Variants in VPS8 observed in about 807,000 individuals in gnomAD.
VPS8 encodes the protein vacuolar protein sorting-associated protein 8 homolog.
In VPS8, 129 loss-of-function variants were observed where a neutral mutation model predicts 216.4. The observed-to-expected ratio is 0.60, with a 90% CI of 0.52 to 0.69. VPS8 has a LOEUF of 0.69. Ranked by LOEUF, VPS8 falls within the 30% of genes least tolerant of loss-of-function variation. The pLI is 0.00. For missense variants in VPS8, 1,531 were observed against 1,683.5 expected (o/e 0.91, Z 1.59); for synonymous variants, 571 against 565.4 (o/e 1.01, Z -0.14).
chr3:184,925,716 T>G (rs1739463154), intron 30 of VPS8, among the ~76,000 whole-genome samples: 1 of 152,014 alleles, frequency 6.6e-6, no homozygotes, highest in African/African-American at 2.4e-5. Context: ...TCAGGAAACT[T>G]AAAGTTAAGG....
chr3:184,987,805 A>G (rs906356126), intron 42 of VPS8, among the ~76,000 whole-genome samples: 1 of 152,212 alleles, frequency 6.6e-6, no homozygotes, highest in African/African-American at 2.4e-5. Flanking sequence ...AGAAACTGCC[A>G]AACTCTGCTC....
At position 184,824,685 on chromosome 3, in the gene VPS8, C is replaced by T. The variant is rs772731390; in HGVS notation, c.53C>T (p.Thr18Met). The T allele has an allele frequency of 1.9e-5, 31 of 1,613,740 alleles. No individual in the cohort carries two copies. The highest frequency in any genetic ancestry group is 1.6e-4 in the Middle Eastern group (1 of 6,084). The change falls in exon 2 of 48, where the codon ACG becomes ATG. Residue 18 changes from threonine to methionine, a missense_variant. Coordinates refer to ENST00000625842, the MANE Select transcript of VPS8 (RefSeq NM_001009921.3). ...ENVEQSLCAK[T>M]SEEELNKSFN... ...GTGGAACAGAGCCTCTGTGCCAAGACGAGCGAAGAAGAGCTGAATAAGTCT... is the reference window on the plus strand; with the variant it reads ...GTGGAACAGAGCCTCTGTGCCAAGATGAGCGAAGAAGAGCTGAATAAGTCT...
intron 2 of VPS8, 64 bp downstream of exon 2, chr3:184,824,849 G>T (rs572365492): frequency 6.9e-7 from 1 of 1,456,382 alleles, no homozygotes; most frequent in African/African-American, 1.4e-5. Flanking sequence ...TATGCTTTGT[G>T]ACCCAGAGAC....
chr3:184,866,618 T>G (rs1212149872), intron 16 of VPS8, among the ~76,000 whole-genome samples: 2 of 152,216 alleles, frequency 1.3e-5, no homozygotes. Context: ...GTGAAGTTTA[T>G]GATCTATAGA....
At chr3:184,944,997 T>G (rs1743425178) in intron 36 of VPS8, among the ~76,000 whole-genome samples, 1 of 152,102 alleles carries the variant, frequency 6.6e-6, no homozygotes, top group Non-Finnish European at 1.5e-5. Context: ...AATACCTACT[T>G]CAATGAGTGC....
intron 21 of VPS8, among the ~76,000 whole-genome samples, chr3:184,873,036 C>G (rs756818366): frequency 2.4e-4 from 36 of 152,094 alleles, no homozygotes; most frequent in Non-Finnish European, 4.7e-4. Context: ...TACCACAATG[C>G]TGTGGAGTAC....
intron 40 of VPS8, among the ~76,000 whole-genome samples, chr3:184,979,389 G>A (rs1170198210): frequency 6.6e-6 from 1 of 152,158 alleles, no homozygotes; most frequent in East Asian, 1.9e-4. Context: ...GTCTGATACT[G>A]TTAGTGGAGT....
intron 45 of VPS8, among the ~76,000 whole-genome samples, chr3:185,016,109 A>G (rs1413456490): frequency 6.6e-6 from 1 of 151,888 alleles, no homozygotes; most frequent in Non-Finnish European, 1.5e-5. Context: ...TAGATTACTC[A>G]TGGCGTAGGT....
chr3:184,866,605 G>A (rs1277637293), intron 16 of VPS8, among the ~76,000 whole-genome samples: 1 of 152,174 alleles, frequency 6.6e-6, no homozygotes, highest in Non-Finnish European at 1.5e-5. Context: ...AAAATAATGT[G>A]TTGTGAAGTT....
chr3:184,833,837 A>G (rs1005612221), intron 4 of VPS8, among the ~76,000 whole-genome samples: 2 of 152,206 alleles, frequency 1.3e-5, no homozygotes, highest in African/African-American at 4.8e-5. Context: ...TGCCCCCCAA[A>G]TAAACAGAAT....
chr3:184,857,618 T>C (rs1363560703), intron 14 of VPS8, among the ~76,000 whole-genome samples: 1 of 152,234 alleles, frequency 6.6e-6, no homozygotes, highest in Non-Finnish European at 1.5e-5. Flanking sequence ...GTGTGTATTC[T>C]TTTTGCTACT....
At chr3:184,930,746 A>G (rs539695899) in intron 34 of VPS8, among the ~76,000 whole-genome samples, 178 bp downstream of exon 34, 22 of 152,298 alleles carry the variant, frequency 1.4e-4, no homozygotes, top group South Asian at 1.2e-3. Context: ...GTCACATGCA[A>G]TCTATTACAT....
intron 42 of VPS8, among the ~76,000 whole-genome samples, chr3:184,988,509 A>G (rs532396145): frequency 6.2e-4 from 95 of 152,274 alleles, no homozygotes; most frequent in African/African-American, 2.2e-3. Flanking sequence ...GTTCTTTTAC[A>G]ATGATCTATT....
intron 36 of VPS8, among the ~76,000 whole-genome samples, chr3:184,950,520 A>T (rs756109735): frequency 3.6e-4 from 55 of 152,144 alleles, no homozygotes; most frequent in Non-Finnish European, 6.5e-4. Flanking sequence ...ACTAGCCTTT[A>T]AAAAAATTCC....
At chr3:184,949,330 G>C (rs1231244948) in intron 36 of VPS8, among the ~76,000 whole-genome samples, 2 of 152,074 alleles carry the variant, frequency 1.3e-5, no homozygotes, top group Non-Finnish European at 2.9e-5. Flanking sequence ...TTAGATTTTG[G>C]CATTTGATTA....
At chr3:184,849,406 A>G (rs914821350) in intron 9 of VPS8, 134 of 452,958 alleles carry the variant, frequency 3.0e-4, no homozygotes, top group Non-Finnish European at 4.3e-4. Context: ...TTTATATCCT[A>G]GTTCATGTGT....
chr3:184,899,286 G>A (rs1734064306), intron 24 of VPS8, among the ~76,000 whole-genome samples: 1 of 152,182 alleles, frequency 6.6e-6, no homozygotes, highest in Non-Finnish European at 1.5e-5. Context: ...GACACATGTA[G>A]TGCCCTCCTA....
chr3:185,035,248 A>C (rs1013520497), intron 46 of VPS8, among the ~76,000 whole-genome samples: 7 of 152,056 alleles, frequency 4.6e-5, no homozygotes, highest in African/African-American at 1.4e-4. Context: ...CTCCTCCTCA[A>C]CTCATTCCAT....
chr3:184,925,772 A>AT (rs769693262), intron 30 of VPS8, among the ~76,000 whole-genome samples: 4,932 of 121,476 alleles, frequency 0.041, 202 homozygotes, highest in African/African-American at 0.084. Flanking sequence ...TTCTCTCTCT[A>AT]TTTTTTTTTT....
Sources: gnomAD v4.1 joint callset for allele counts (sites outside exome capture counted in the v4.1 genomes callset) on GRCh38, gnomAD v4.1.1 for gene constraint, MANE v1.5 for transcripts, NCBI Gene and HGNC (gene_info 2026-07-23, HGNC 2026-07-21) for gene names.